GLP1R: variants seen among roughly 807,000 people sequenced by gnomAD.
The protein encoded by GLP1R is glucagon like peptide 1 receptor.
Under a neutral mutation model 68.4 loss-of-function variants are expected in GLP1R, and 32 were observed. That is an observed-to-expected ratio of 0.47 (90% CI 0.35 to 0.63). The LOEUF is 0.63. GLP1R is among the 20% of genes least tolerant of loss of function. The pLI, the probability that GLP1R is intolerant of heterozygous loss-of-function variation, is 0.00. For missense variants in GLP1R, 502 were observed against 594.9 expected, an observed-to-expected ratio of 0.84 and a Z score of 1.62; for synonymous variants, 263 against 244.4, an observed-to-expected ratio of 1.08 and a Z score of -0.71.
intron 1 of GLP1R, among the ~76,000 whole-genome samples, chr6:39,055,493 T>C (rs1768189337): frequency 6.6e-6 from 1 of 151,852 alleles, no homozygotes; most frequent in South Asian, 2.1e-4. Flanking sequence ...GTGGGATGGG[T>C]CTGTTTGGGT....
chr6:39,066,315 C>T lies in GLP1R; in HGVS notation c.509+12C>T, dbSNP rs200473718. ...CTCCTCGGCTTCAGGTAAGGTGGCCCGGACCCTGGGAGGGGGCTGCTTCAT... is the reference window on the plus strand; with the variant it reads ...CTCCTCGGCTTCAGGTAAGGTGGCCTGGACCCTGGGAGGGGGCTGCTTCAT... On this transcript the variant is annotated intron_variant, in intron 5 of 12. Transcript: ENST00000373256. 30 of 1,511,114 alleles carry T rather than the reference C, an allele frequency of 2.0e-5. No individual in the cohort carries two copies. Among genetic ancestry groups the T allele is most frequent in the Admixed American group, 8.4e-5 (5 of 59,734 alleles). 93.6% of individuals were successfully genotyped at this position (1,511,114 alleles called of 1,614,324 possible).
intron 3 of GLP1R, among the ~76,000 whole-genome samples, chr6:39,063,354 G>A (rs531555870): frequency 2.6e-5 from 4 of 152,272 alleles, no homozygotes; most frequent in Middle Eastern, 3.4e-3. Context: ...TTGTGGGCTT[G>A]AGAGGGGCCC....
At position 39,089,219 on chromosome 6, in the gene GLP1R, C is replaced by T. The variant is rs535525537; in HGVS notation, c.*3146C>T. Among the ~76,000 whole-genome samples, 1 of 152,362 alleles carries T rather than the reference C, an allele frequency of 6.6e-6. No individual in the cohort carries two copies. The highest frequency in any genetic ancestry group is 2.4e-5 in the African/African-American group (1 of 41,586). On this transcript the variant is annotated 3_prime_UTR_variant, in exon 13 of 13. Coordinates refer to ENST00000373256, the MANE Select transcript of GLP1R (RefSeq NM_002062.5). The surrounding 1 kb of genome is among the most constrained non-coding windows in gnomAD (Gnocchi z 4.1). ...TGAAATGCATCAGGGCACACATATACATAGAAACAGCACATAAGCCATTTT... is the reference window on the plus strand; with the variant it reads ...TGAAATGCATCAGGGCACACATATATATAGAAACAGCACATAAGCCATTTT...
intron 7 of GLP1R, among the ~76,000 whole-genome samples, chr6:39,074,109 C>T (rs147555668): frequency 4.6e-5 from 7 of 152,156 alleles, no homozygotes; most frequent in East Asian, 1.9e-4. Flanking sequence ...CCGGGCAGCC[C>T]GAGGGCCTGA....
chr6:39,070,246 G>A (rs4711575), intron 5 of GLP1R, among the ~76,000 whole-genome samples: 69,109 of 152,052 alleles, frequency 0.45, 16,369 homozygotes, highest in Non-Finnish European at 0.51. Flanking sequence ...ATATTTTTCT[G>A]TAATTTTTTG....
At position 39,080,690 on chromosome 6, in the gene GLP1R, G is replaced by C. The variant is rs759540965; in HGVS notation, c.1183-8G>C. The C allele has an allele frequency of 9.4e-6, 15 of 1,592,066 alleles. No individual in the cohort carries two copies. The highest frequency in any genetic ancestry group is 2.7e-5 in the African/African-American group (2 of 73,802). On this transcript the variant is annotated splice_region_variant and splice_polypyrimidine_tract_variant and intron_variant, in intron 11 of 12. Transcript: ENST00000373256. ...CTTCCTCCCTCTTGATGTGACTCTT[G>C]TTTCCAGGGGCTGATGGTGGCCATA...
chr6:39,083,034 C>T (rs1038690804), intron 12 of GLP1R, among the ~76,000 whole-genome samples: 4 of 152,186 alleles, frequency 2.6e-5, no homozygotes, highest in African/African-American at 9.7e-5. Context: ...TCCTCATGCA[C>T]CACCTATGGC....
At chr6:39,084,217 T>C (rs754113466) in intron 12 of GLP1R, among the ~76,000 whole-genome samples, 2 of 152,180 alleles carry the variant, frequency 1.3e-5, no homozygotes, top group African/African-American at 4.8e-5. Flanking sequence ...CATCTTTAAA[T>C]GTGGAGCTAC....
intron 5 of GLP1R, among the ~76,000 whole-genome samples, chr6:39,070,724 A>AT (rs1768638162): frequency 2.0e-5 from 3 of 151,290 alleles, no homozygotes; most frequent in African/African-American, 4.9e-5. Context: ...TTTTTTCATG[A>AT]TTTTTTCTGT....
At position 39,072,865 on chromosome 6, in the gene GLP1R, C is replaced by T. The variant is rs200423130; in HGVS notation, c.513C>T (p.His171=). The T allele has an allele frequency of 4.3e-6, 7 of 1,613,456 alleles. No homozygotes were observed. The highest frequency in any genetic ancestry group is 1.3e-5 in the African/African-American group (1 of 74,932). The part of the protein sequence containing the change: ...IASAILLGFR[H]LHCTRNYIHL... ...AAGGCCCTGCTTTCTCCCTCAGACA[C>T]CTGCACTGCACCAGGAACTACATCC... The change falls in exon 6 of 13, where the codon CAC becomes CAT. Residue 171 remains histidine, a synonymous_variant. Coordinates refer to ENST00000373256, the MANE Select transcript of GLP1R (RefSeq NM_002062.5).
At chr6:39,085,252 C>G (rs939647287) in intron 12 of GLP1R, among the ~76,000 whole-genome samples, 3 of 152,246 alleles carry the variant, frequency 2.0e-5, no homozygotes, top group African/African-American at 7.2e-5. Context: ...CAGAGCCCAG[C>G]ACAACAGGGA....
At chr6:39,065,537 G>GGT (rs138549733) in intron 3 of GLP1R, among the ~76,000 whole-genome samples, 174 bp from the exon 4 acceptor site, 10 of 151,902 alleles carry the variant, frequency 6.6e-5, no homozygotes, top group South Asian at 2.1e-4. Flanking sequence ...GGAAGGTCCA[G>GGT]GTGTGTGTGT....
rs200516217 is a variant in GLP1R at position 39,086,385 on chromosome 6, T to G, written c.*312T>G. 3.5e-6 allele frequency: 1 copy of G among 288,850 alleles called. No individual in the cohort carries two copies. Among genetic ancestry groups the G allele is most frequent in the African/African-American group, 2.2e-5 (1 of 45,914 alleles). The allele number at this position is 288,850 out of a possible 1,614,324, so 17.9% of individuals were successfully genotyped here. A position where few individuals can be genotyped will look rare whatever the true frequency, so the allele number is the denominator to read the frequency against. ...TTGCTTCTTGTGAAACCACAGGCCC[T>G]TGGGGTTCCCCCAGACAGAGCCGCA... On this transcript the variant is annotated 3_prime_UTR_variant, in exon 13 of 13. Coordinates refer to ENST00000373256, the MANE Select transcript of GLP1R (RefSeq NM_002062.5). This position sits in a 1 kb window ranked among gnomAD's most constrained non-coding sequence, Gnocchi z 4.5.
At chr6:39,059,266 G>A (rs1442585296) in intron 3 of GLP1R, among the ~76,000 whole-genome samples, 1 of 152,248 alleles carries the variant, frequency 6.6e-6, no homozygotes, top group Non-Finnish European at 1.5e-5. Flanking sequence ...CCCATTTTCA[G>A]ATGGGGAAAC....
intron 5 of GLP1R, among the ~76,000 whole-genome samples, chr6:39,071,729 G>A (rs921872400): frequency 6.6e-6 from 1 of 152,068 alleles, no homozygotes; most frequent in Non-Finnish European, 1.5e-5. Context: ...AAATCATATA[G>A]CAAAATCTCC....
intron 7 of GLP1R, 149 bp downstream of exon 7, chr6:39,073,918 G>A (rs560142775): frequency 8.5e-5 from 57 of 668,802 alleles, no homozygotes; most frequent in Middle Eastern, 7.6e-4. Context: ...CTTCTGCCCC[G>A]GTGCTGTTAA....
chr6:39,086,156 G>T lies in GLP1R; in HGVS notation c.*83G>T. The T allele has an allele frequency of 1.2e-6, 1 of 860,404 alleles. No homozygotes were observed. 53.3% of individuals were successfully genotyped at this position (860,404 alleles called of 1,614,324 possible). A position where few individuals can be genotyped will look rare whatever the true frequency, so the allele number is the denominator to read the frequency against. On this transcript the variant is annotated 3_prime_UTR_variant, in exon 13 of 13. Transcript: ENST00000373256. This position sits in a 1 kb window ranked among gnomAD's most constrained non-coding sequence, Gnocchi z 4.5. ...TGGGAGAGACACTCCCAGGGACAAG[G>T]GAAGGAAGGGACACACACACACACA...
rs1769257630 is a variant in GLP1R at position 39,090,574 on chromosome 6, A to G, written c.*4501A>G. Among the ~76,000 whole-genome samples, 1 of 152,080 alleles carries G rather than the reference A, an allele frequency of 6.6e-6. No individual in the cohort carries two copies. Among genetic ancestry groups the G allele is most frequent in the Non-Finnish European group, 1.5e-5 (1 of 68,002 alleles). ...AGAGTGAGGTGCTGTCAGGGCTGAAAAGGACGCACCTCATTCTACATTTGG... is the reference window on the plus strand; with the variant it reads ...AGAGTGAGGTGCTGTCAGGGCTGAAGAGGACGCACCTCATTCTACATTTGG... On this transcript the variant is annotated 3_prime_UTR_variant, in exon 13 of 13. Coordinates refer to ENST00000373256, the MANE Select transcript of GLP1R (RefSeq NM_002062.5).
chr6:39,064,268 G>A (rs1768437475), intron 3 of GLP1R, among the ~76,000 whole-genome samples: 1 of 152,042 alleles, frequency 6.6e-6, no homozygotes, highest in Middle Eastern at 3.2e-3. Flanking sequence ...GCCTCCCAGA[G>A]TGCTAGGATT....
Sources: allele counts gnomAD v4.1 joint callset (sites outside exome capture counted in the v4.1 genomes callset), GRCh38; gene constraint gnomAD v4.1.1; non-coding constraint Gnocchi (gnomAD v3.1); transcripts MANE v1.5; gene names NCBI Gene and HGNC (gene_info 2026-07-23, HGNC 2026-07-21).